Variants in CDK14 observed in about 807,000 individuals in gnomAD.
CDK14 encodes the protein cyclin dependent kinase 14.
Under a neutral mutation model 60.7 loss-of-function variants are expected in CDK14, and 34 were observed. That is an observed-to-expected ratio of 0.56 (90% CI 0.43 to 0.75). The LOEUF (loss-of-function observed/expected upper bound fraction) is 0.75, where lower values mean the gene tolerates loss of function less well. Ranked by LOEUF, CDK14 falls within the 30% of genes least tolerant of loss-of-function variation. The pLI is 0.00. For synonymous variants in CDK14, 197 were observed against 203.7 expected, an observed-to-expected ratio of 0.97 and a Z score of 0.28; for missense variants, 482 against 564.1, an observed-to-expected ratio of 0.85 and a Z score of 1.47.
At chr7:90,674,855 C>T (rs1405801849) in intron 2 of CDK14, among the ~76,000 whole-genome samples, 3 of 152,186 alleles carry the variant, frequency 2.0e-5, no homozygotes, top group African/African-American at 7.2e-5. Flanking sequence ...CTTTTCTCAC[C>T]TCTCCTTCCC....
intron 5 of CDK14, among the ~76,000 whole-genome samples, chr7:90,861,959 A>G (rs991218504): frequency 1.3e-5 from 2 of 152,234 alleles, no homozygotes; most frequent in Admixed American, 1.3e-4. Flanking sequence ...TGAAATATGA[A>G]TTGAATATTT....
At chr7:91,051,485 G>T (rs1398929132) in intron 11 of CDK14, among the ~76,000 whole-genome samples, 4 of 152,098 alleles carry the variant, frequency 2.6e-5, no homozygotes, top group Non-Finnish European at 5.9e-5. Flanking sequence ...TCTTTTAAAA[G>T]TAGGTCTCCT....
chr7:90,773,891 CCTCTT>C (rs1804899269), intron 4 of CDK14, among the ~76,000 whole-genome samples: 1 of 80,344 alleles, frequency 1.2e-5, no homozygotes, highest in Admixed American at 1.8e-4. Flanking sequence ...CCTCTCCTCT[CCTCTT>C]TTCTTTCTTT....
rs568668283 is a variant in CDK14, at chr7:90,921,509, G to A, written c.826+3785G>A. On this transcript the variant is annotated intron_variant, in intron 8 of 14. Transcript: ENST00000380050. ...GCTTGATTGGAAGTTCCGTGAAGGCGGGAACTTGACCTGTTTTGCTCACTG... is the reference window on the plus strand; with the variant it reads ...GCTTGATTGGAAGTTCCGTGAAGGCAGGAACTTGACCTGTTTTGCTCACTG... Among the ~76,000 whole-genome samples, 4 of 151,866 alleles carry A rather than the reference G, an allele frequency of 2.6e-5. 1 individual carries two copies. Among genetic ancestry groups the A allele is most frequent in the East Asian group, 3.9e-4 (2 of 5,190 alleles).
At chr7:90,686,616 T>G (rs1801442401) in intron 2 of CDK14, among the ~76,000 whole-genome samples, 1 of 152,170 alleles carries the variant, frequency 6.6e-6, no homozygotes, top group African/African-American at 2.4e-5. Context: ...CCTCACTGTA[T>G]CCCATTCCCT....
chr7:91,084,249 C>T (rs1321897530), intron 12 of CDK14, among the ~76,000 whole-genome samples: 2 of 152,206 alleles, frequency 1.3e-5, no homozygotes, highest in Admixed American at 1.3e-4. Context: ...GTTCTCGCCG[C>T]AGCCATGGGT....
At chr7:90,742,467 A>T (rs1259305240) in intron 3 of CDK14, among the ~76,000 whole-genome samples, 1 of 152,010 alleles carries the variant, frequency 6.6e-6, no homozygotes, top group Non-Finnish European at 1.5e-5. Flanking sequence ...TTCTCTTTTT[A>T]ATGAGACTTT....
intron 9 of CDK14, among the ~76,000 whole-genome samples, chr7:90,974,891 C>T (rs77246096): frequency 0.02 from 3,034 of 152,250 alleles, 55 homozygotes; most frequent in Non-Finnish European, 0.03. Context: ...GGCATATTAG[C>T]TGGTGCCTTT....
chr7:90,799,469 C>T (rs1307380833), intron 5 of CDK14, among the ~76,000 whole-genome samples: 1 of 151,982 alleles, frequency 6.6e-6, no homozygotes, highest in African/African-American at 2.4e-5. Flanking sequence ...AGGCGGATCA[C>T]CTGAGGTCAG....
chr7:91,116,044 C>A (rs1391051057), intron 13 of CDK14, among the ~76,000 whole-genome samples: 4 of 152,130 alleles, frequency 2.6e-5, no homozygotes, highest in African/African-American at 9.7e-5. Context: ...CCTGAAACCC[C>A]AACAGCTTTG....
chr7:91,039,902 C>T (rs1033289684), intron 10 of CDK14, among the ~76,000 whole-genome samples: 1 of 151,990 alleles, frequency 6.6e-6, no homozygotes, highest in Admixed American at 6.6e-5. Context: ...ACCTGGGCAA[C>T]ACAGTGGGAC....
chr7:90,684,791 A>G (rs1801395985), intron 2 of CDK14, among the ~76,000 whole-genome samples: 2 of 152,120 alleles, frequency 1.3e-5, no homozygotes, highest in South Asian at 4.1e-4. Context: ...CCGTCCATCC[A>G]TCCATCCATT....
chr7:90,936,177 AG>A (rs1177842564), intron 8 of CDK14, among the ~76,000 whole-genome samples: 1 of 151,948 alleles, frequency 6.6e-6, no homozygotes, highest in Non-Finnish European at 1.5e-5. Flanking sequence ...TTTAAAAAAA[AG>A]TTGCTTTATT....
intron 2 of CDK14, among the ~76,000 whole-genome samples, chr7:90,612,687 G>GCCTGAACC (rs1417167524): frequency 1.3e-5 from 2 of 148,494 alleles, no homozygotes. Flanking sequence ...CAGGAAAATC[G>GCCTGAACC]CCTGAACCCG....
chr7:91,164,359 T>A (rs1323276942), intron 14 of CDK14, among the ~76,000 whole-genome samples: 2 of 152,208 alleles, frequency 1.3e-5, no homozygotes, highest in African/African-American at 2.4e-5. Context: ...CCTGTACGTG[T>A]TACTCATTAA....
At chr7:90,727,180 T>C (rs945901020) in intron 3 of CDK14, among the ~76,000 whole-genome samples, 2 of 152,182 alleles carry the variant, frequency 1.3e-5, no homozygotes, top group Non-Finnish European at 2.9e-5. Flanking sequence ...TCACAAGGAA[T>C]TTCATTGCAG....
intron 9 of CDK14, 119 bp from the exon 10 acceptor site, chr7:90,984,029 A>T: frequency 1.4e-6 from 1 of 701,742 alleles, no homozygotes. Flanking sequence ...TTAGAGGGGA[A>T]AAAGGAAACA....
intron 2 of CDK14, among the ~76,000 whole-genome samples, chr7:90,723,833 T>G (rs1445100984): frequency 6.6e-6 from 1 of 152,220 alleles, no homozygotes; most frequent in Non-Finnish European, 1.5e-5. Flanking sequence ...TTGCATTCAA[T>G]TTGTTGAAGA....
rs972988251 is a variant in CDK14, at chr7:91,079,358, G to A, written c.1106-74G>A. 4.8e-5 allele frequency: 48 copies of A among 997,468 alleles called. No individual in the cohort carries two copies. The Admixed American group carries it at 1.0e-3, about 21-fold the overall frequency. 61.8% of individuals were successfully genotyped at this position (997,468 alleles called of 1,614,324 possible). ...AGTAGCCCACTCTTTTTTTAAAGTTGAAGTTTTTTCAACATACTTGTAATA... is the reference window on the plus strand; with the variant it reads ...AGTAGCCCACTCTTTTTTTAAAGTTAAAGTTTTTTCAACATACTTGTAATA... On this transcript the variant is annotated intron_variant, in intron 11 of 14. Coordinates refer to ENST00000380050, the MANE Select transcript of CDK14 (RefSeq NM_001287135.2).
Sources: allele counts gnomAD v4.1 joint callset (sites outside exome capture counted in the v4.1 genomes callset), GRCh38; gene constraint gnomAD v4.1.1; transcripts MANE v1.5; gene names NCBI Gene and HGNC (gene_info 2026-07-23, HGNC 2026-07-21).